NUP37: variants seen among roughly 807,000 people sequenced by gnomAD.
NUP37 encodes the protein nucleoporin 37, also known as nucleoporin Nup37.
NUP37 carries 33 observed loss-of-function variants against 45.4 expected under a neutral mutation model. The observed-to-expected ratio is 0.73, with a 90% CI of 0.55 to 0.97. NUP37 has a LOEUF of 0.97. Ranked by LOEUF, NUP37 falls within the 50% of genes least tolerant of loss-of-function variation. The pLI is 0.00. For synonymous variants in NUP37, 127 were observed against 130.7 expected (o/e 0.97, Z 0.19); for missense variants, 365 against 389.7 (o/e 0.94, Z 0.53).
At chr12:102,114,837 T>G (rs961191778) in intron 2 of NUP37, among the ~76,000 whole-genome samples, 1 of 152,154 alleles carries the variant, frequency 6.6e-6, no homozygotes, top group Admixed American at 6.5e-5. Flanking sequence ...TTTATTCAAT[T>G]GGGGGATAGC....
Position 102,101,031 on chromosome 12 carries a change from C to A in NUP37, c.354+1G>T. The A allele has an allele frequency of 6.8e-7, 1 of 1,480,692 alleles. No homozygotes were observed. Among genetic ancestry groups the A allele is most frequent in the South Asian group, 1.2e-5 (1 of 80,818 alleles). The allele number at this position is 1,480,692 out of a possible 1,614,324, so 91.7% of individuals were successfully genotyped here. ...AAAGATTTATATGGTTGTCAACATA[C>A]CTTATATTCATTTTTATCCTGAAGA... On this transcript the variant is annotated splice_donor_variant, in intron 4 of 9. Transcript: ENST00000552283. LOFTEE classifies it high-confidence loss of function.
At chr12:102,075,972 C>G (rs1004700803) in intron 8 of NUP37, among the ~76,000 whole-genome samples, 1 of 152,094 alleles carries the variant, frequency 6.6e-6, no homozygotes, top group African/African-American at 2.4e-5. Flanking sequence ...GCAACAAGTC[C>G]CAATCCTTGA....
At position 102,080,772 on chromosome 12, in the gene NUP37, T is replaced by G. The variant is rs1230918205; in HGVS notation, c.541-3269A>C. 2.6e-5 allele frequency among the ~76,000 whole-genome samples: 4 copies of G among 152,312 alleles called. No individual in the cohort carries two copies. The East Asian group carries it at 7.7e-4, about 29-fold the overall frequency. On this transcript the variant is annotated intron_variant, in intron 6 of 9. Transcript: ENST00000552283. ...GCTACAAGGCTAGGCTGCTGAAGACTGGTGAGTGGTCTAGTGTGCTATAGT... is the reference window on the plus strand; with the variant it reads ...GCTACAAGGCTAGGCTGCTGAAGACGGGTGAGTGGTCTAGTGTGCTATAGT...
At chr12:102,090,891 GAT>G (rs1440182459) in intron 5 of NUP37, among the ~76,000 whole-genome samples, 6 of 152,138 alleles carry the variant, frequency 3.9e-5, no homozygotes, top group African/African-American at 7.2e-5. Context: ...CTTTTAAAAT[GAT>G]TTCCTGAGTT....
intron 3 of NUP37, among the ~76,000 whole-genome samples, chr12:102,107,942 C>T (rs78462723): frequency 0.19 from 28,653 of 152,076 alleles, 2,741 homozygotes; most frequent in Non-Finnish European, 0.21. Flanking sequence ...ACACTGGCAG[C>T]CTCAAGTGTT....
At position 102,120,094 on chromosome 12, in the gene NUP37, G is replaced by A; in HGVS notation, c.-110C>T. 5.8e-6 allele frequency: 1 copy of A among 172,386 alleles called. No homozygotes were observed. The highest frequency in any genetic ancestry group is 9.8e-5 in the South Asian group (1 of 10,176). 10.7% of individuals were successfully genotyped at this position (172,386 alleles called of 1,614,324 possible). A position where few individuals can be genotyped will look rare whatever the true frequency, so the allele number is the denominator to read the frequency against. On this transcript the variant is annotated 5_prime_UTR_variant, in exon 1 of 10. Transcript: ENST00000552283. ...ACCAGAGGCAGGCTGGTCTTCCTTG[G>A]GGGCTGCCGCGACGCGCTGTGGCTC...
At chr12:102,075,470 T>A (rs1277338719) in intron 8 of NUP37, among the ~76,000 whole-genome samples, 1 of 152,130 alleles carries the variant, frequency 6.6e-6, no homozygotes, top group Admixed American at 6.6e-5. Flanking sequence ...GTATGAGCCA[T>A]AGCACCTAGA....
At chr12:102,108,503 G>A (rs984469175) in intron 3 of NUP37, among the ~76,000 whole-genome samples, 2 of 152,044 alleles carry the variant, frequency 1.3e-5, no homozygotes, top group Non-Finnish European at 2.9e-5. Context: ...CCTTATTGTG[G>A]GACTTCATCT....
At chr12:102,079,800 G>A (rs189956018) in intron 6 of NUP37, among the ~76,000 whole-genome samples, 11 of 152,194 alleles carry the variant, frequency 7.2e-5, no homozygotes, top group African/African-American at 2.2e-4. Flanking sequence ...CTAAACTGAC[G>A]AGGAAAAGAC....
At chr12:102,105,336 G>A (rs896729279) in intron 3 of NUP37, among the ~76,000 whole-genome samples, 9 of 151,264 alleles carry the variant, frequency 5.9e-5, no homozygotes, top group African/African-American at 2.2e-4. Flanking sequence ...ACCAGCCTGG[G>A]TAACATGGCA....
intron 5 of NUP37, among the ~76,000 whole-genome samples, chr12:102,087,470 AC>A (rs1428651815): frequency 2.6e-5 from 4 of 152,208 alleles, no homozygotes; most frequent in Admixed American, 6.5e-5. Context: ...CCAAATCAAT[AC>A]TTTTCATCTG....
chr12:102,078,735 T>C (rs1470848234), intron 6 of NUP37, among the ~76,000 whole-genome samples: 2 of 152,178 alleles, frequency 1.3e-5, no homozygotes, highest in Non-Finnish European at 1.5e-5. Context: ...GCTTGACAAA[T>C]AGTAGCCACC....
chr12:102,075,103 TA>T lies in NUP37; in HGVS notation c.774-10del. The T allele has an allele frequency of 6.4e-7, 1 of 1,564,564 alleles. No homozygotes were observed. The highest frequency in any genetic ancestry group is 2.2e-5 in the East Asian group (1 of 44,566). On this transcript the variant is annotated splice_polypyrimidine_tract_variant and intron_variant, in intron 8 of 9. Coordinates refer to ENST00000552283, the MANE Select transcript of NUP37 (RefSeq NM_024057.4). ...CACTAATTGTGGACCACCTAAGAAA[TA>T]AGGAAGCGTAAAATTAAGTATCGTA...
intron 6 of NUP37, among the ~76,000 whole-genome samples, chr12:102,080,512 G>A (rs1879302910): frequency 6.6e-6 from 1 of 152,166 alleles, no homozygotes; most frequent in Non-Finnish European, 1.5e-5. Context: ...GTACAATGAG[G>A]TCAATGACAA....
intron 5 of NUP37, 152 bp from the exon 6 acceptor site, chr12:102,086,008 C>CTCCGTCTCCGTCTCCGTCTCCGT: frequency 2.3e-6 from 1 of 434,908 alleles, no homozygotes; most frequent in South Asian, 4.5e-5. Flanking sequence ...AATTATAACA[C>CTCCGTCTCCGTCTCCGTCTCCGT]CACTTTTAAG....
chr12:102,097,158 T>C (rs1265563864), intron 5 of NUP37, among the ~76,000 whole-genome samples: 1 of 152,152 alleles, frequency 6.6e-6, no homozygotes, highest in Non-Finnish European at 1.5e-5. Context: ...GCAAAACATT[T>C]GAAGCTTCTG....
At chr12:102,088,780 AG>A (rs1879551082) in intron 5 of NUP37, among the ~76,000 whole-genome samples, 1 of 148,260 alleles carries the variant, frequency 6.7e-6, no homozygotes, top group African/African-American at 2.5e-5. Flanking sequence ...GCAGGGTCAT[AG>A]GATAATAGTG....
At chr12:102,078,727 T>C (rs556160014) in intron 6 of NUP37, among the ~76,000 whole-genome samples, 2 of 152,344 alleles carry the variant, frequency 1.3e-5, no homozygotes, top group African/African-American at 4.8e-5. Context: ...AATGTAATGC[T>C]TGACAAATAG....
rs376982615 is a variant in NUP37 at position 102,080,434 on chromosome 12, A to T, written c.541-2931T>A. Among the ~76,000 whole-genome samples the T allele has an allele frequency of 1.1e-4, 17 of 152,304 alleles. 1 individual carries two copies. Among genetic ancestry groups the T allele is most frequent in the Admixed American group, 2.0e-4 (3 of 15,298 alleles). On this transcript the variant is annotated intron_variant, in intron 6 of 9. Transcript: ENST00000552283. Reference sequence around the variant, plus strand: ...AGACCCTGCCTCAAAAACAAAACAAACAGAAAACAAAAATGATTCTTTAAG... The same window carrying T: ...AGACCCTGCCTCAAAAACAAAACAATCAGAAAACAAAAATGATTCTTTAAG...
Sources: allele counts gnomAD v4.1 joint callset (sites outside exome capture counted in the v4.1 genomes callset), GRCh38; gene constraint gnomAD v4.1.1; transcripts MANE v1.5; gene names NCBI Gene and HGNC (gene_info 2026-07-23, HGNC 2026-07-21).